ADAMTSL1: variants seen among roughly 807,000 people sequenced by gnomAD.
ADAMTSL1 encodes the protein ADAMTS like 1, also known as ADAMTS-like protein 1.
Under a neutral mutation model 201.8 loss-of-function variants are expected in ADAMTSL1, and 126 were observed. The observed-to-expected ratio is 0.62, with a 90% confidence interval of 0.54 to 0.72. The LOEUF is 0.72. Ranked by LOEUF, ADAMTSL1 falls within the 30% of genes least tolerant of loss-of-function variation. The probability of loss-of-function intolerance (pLI) is 0.00; values close to 1 mark genes in which losing one functional copy is unlikely to be tolerated. For synonymous variants in ADAMTSL1, 1,121 were observed against 903.4 expected (o/e 1.24, Z -4.32); for missense variants, 2,679 against 2,277.8 (o/e 1.18, Z -3.59).
intron 2 of ADAMTSL1, among the ~76,000 whole-genome samples, chr9:18,438,457 C>A (rs1297815583): frequency 6.6e-6 from 1 of 152,080 alleles, no homozygotes; most frequent in Non-Finnish European, 1.5e-5. Flanking sequence ...CCCAGCCCCT[C>A]GGGTGGCCAG....
At chr9:17,996,892 A>G (rs547560097) in intron 1 of ADAMTSL1, among the ~76,000 whole-genome samples, 18 of 152,296 alleles carry the variant, frequency 1.2e-4, no homozygotes, top group African/African-American at 4.1e-4. Flanking sequence ...CTGCAGAAGA[A>G]TGATGAATAC....
intron 1 of ADAMTSL1, among the ~76,000 whole-genome samples, chr9:18,479,194 G>T (rs563782197): frequency 6.6e-6 from 1 of 152,244 alleles, no homozygotes; most frequent in East Asian, 1.9e-4. Context: ...AAGCTTAACT[G>T]TTCTGTTTTG....
intron 3 of ADAMTSL1, among the ~76,000 whole-genome samples, chr9:18,542,083 A>C (rs1299865121): frequency 6.6e-6 from 1 of 152,220 alleles, no homozygotes; most frequent in African/African-American, 2.4e-5. Flanking sequence ...GGAGGGACTG[A>C]ATAAGTTAGG....
intron 13 of ADAMTSL1, among the ~76,000 whole-genome samples, chr9:18,695,934 G>C (rs974865816): frequency 3.3e-5 from 5 of 152,198 alleles, no homozygotes; most frequent in African/African-American, 1.2e-4. Context: ...CATGGCTGGG[G>C]AGGCCACAGG....
rs139812361 is a variant in ADAMTSL1, at chr9:18,025,660, T to C, written c.87+118738T>C. Among the ~76,000 whole-genome samples, 754 of 152,260 alleles carry C rather than the reference T, an allele frequency of 5.0e-3. 7 individuals are homozygous for C. The highest frequency in any genetic ancestry group is 0.02 in the Middle Eastern group (6 of 294). On this transcript the variant is annotated intron_variant, in intron 1 of 29. Transcript: ENST00000680146. ...TGCTGTTTTGGTTACTGTGGCCTTGTGATATAGTTTGAAGTCATGTAATGT... is the reference window on the plus strand; with the variant it reads ...TGCTGTTTTGGTTACTGTGGCCTTGCGATATAGTTTGAAGTCATGTAATGT...
intron 2 of ADAMTSL1, among the ~76,000 whole-genome samples, chr9:18,505,888 T>A (rs1031207679): frequency 6.6e-6 from 1 of 152,218 alleles, no homozygotes; most frequent in Non-Finnish European, 1.5e-5. Flanking sequence ...TGAGAATTTC[T>A]TGAAATCAGC....
intron 1 of ADAMTSL1, among the ~76,000 whole-genome samples, chr9:18,135,596 G>A (rs1320214937): frequency 2.0e-5 from 3 of 151,882 alleles, no homozygotes; most frequent in Admixed American, 6.6e-5. Context: ...GGAGTTTGAG[G>A]CCAGCCTAGG....
At chr9:17,951,491 G>T (rs953880697) in intron 1 of ADAMTSL1, among the ~76,000 whole-genome samples, 1 of 152,104 alleles carries the variant, frequency 6.6e-6, no homozygotes, top group Non-Finnish European at 1.5e-5. Context: ...TTGCCAAAAT[G>T]GTGAGTTTTA....
At chr9:18,538,800 C>G (rs573851987) in intron 3 of ADAMTSL1, among the ~76,000 whole-genome samples, 3 of 152,104 alleles carry the variant, frequency 2.0e-5, no homozygotes, top group Non-Finnish European at 2.9e-5. Context: ...TCTCATAAGG[C>G]CTTTGTATAT....
intron 2 of ADAMTSL1, among the ~76,000 whole-genome samples, chr9:18,226,721 T>C (rs749379560): frequency 1.3e-4 from 20 of 152,138 alleles, no homozygotes; most frequent in Non-Finnish European, 8.8e-5. Context: ...CATTTGGTCA[T>C]GGGGCCAGTT....
chr9:18,487,316 A>G (rs1269752069), intron 1 of ADAMTSL1, among the ~76,000 whole-genome samples: 1 of 152,212 alleles, frequency 6.6e-6, no homozygotes, highest in African/African-American at 2.4e-5. Flanking sequence ...AATAGTCTCC[A>G]CTGTGCATGT....
At chr9:18,816,344 C>G (rs1298886565) in intron 20 of ADAMTSL1, among the ~76,000 whole-genome samples, 2 of 152,306 alleles carry the variant, frequency 1.3e-5, no homozygotes, top group East Asian at 3.9e-4. Flanking sequence ...TCAAGTGATT[C>G]TCATCCCTCA....
chr9:18,282,967 G>A (rs766370844), intron 2 of ADAMTSL1, among the ~76,000 whole-genome samples: 2 of 152,156 alleles, frequency 1.3e-5, no homozygotes, highest in African/African-American at 4.8e-5. Context: ...GTTAGTTCTG[G>A]TGGTTTATAT....
intron 1 of ADAMTSL1, among the ~76,000 whole-genome samples, chr9:18,495,800 G>A (rs2131878873): frequency 6.6e-6 from 1 of 152,268 alleles, no homozygotes; most frequent in South Asian, 2.1e-4. Flanking sequence ...CTGGAGAACA[G>A]AAGAAAGTCC....
At chr9:17,937,710 T>A (rs1180018667) in intron 1 of ADAMTSL1, among the ~76,000 whole-genome samples, 1 of 131,084 alleles carries the variant, frequency 7.6e-6, no homozygotes, top group Non-Finnish European at 1.7e-5. Context: ...CCATATATTA[T>A]GTTTCCTCAT....
At chr9:18,508,008 A>C (rs1817788857) in intron 2 of ADAMTSL1, among the ~76,000 whole-genome samples, 1 of 152,018 alleles carries the variant, frequency 6.6e-6, no homozygotes, top group African/African-American at 2.4e-5. Context: ...AATATGGACA[A>C]ACCCGATTTC....
chr9:18,551,548 T>A (rs1427659361), intron 3 of ADAMTSL1, among the ~76,000 whole-genome samples: 1 of 23,774 alleles, frequency 4.2e-5, no homozygotes, highest in Non-Finnish European at 8.1e-5. Context: ...ACCGCTGAAT[T>A]TTTTTTTTTT....
At chr9:18,378,690 T>A (rs1004262287) in intron 2 of ADAMTSL1, among the ~76,000 whole-genome samples, 2 of 152,210 alleles carry the variant, frequency 1.3e-5, no homozygotes, top group African/African-American at 4.8e-5. Flanking sequence ...GCTCTCATGA[T>A]GCCCACTTTA....
chr9:18,675,656 T>C (rs1356165054), intron 9 of ADAMTSL1, among the ~76,000 whole-genome samples: 1 of 152,184 alleles, frequency 6.6e-6, no homozygotes, highest in Admixed American at 6.6e-5. Context: ...TTATAGTAAA[T>C]GGTGCCCTTT....
Sources: allele counts gnomAD v4.1 joint callset (sites outside exome capture counted in the v4.1 genomes callset), GRCh38; gene constraint gnomAD v4.1.1; transcripts MANE v1.5; gene names NCBI Gene and HGNC (gene_info 2026-07-23, HGNC 2026-07-21).